The following SMIM41 variants were observed in gnomAD, a reference collection of about 807,000 sequenced individuals.
SMIM41 encodes the protein small integral membrane protein 41.
intron 2 of SMIM41, among the ~76,000 whole-genome samples, chr12:52,086,457 C>T (rs1220416294): frequency 6.6e-6 from 1 of 152,194 alleles, no homozygotes; most frequent in Non-Finnish European, 1.5e-5. Context: ...AGGCACATGT[C>T]TCACCTAGGC....
intron 2 of SMIM41, among the ~76,000 whole-genome samples, chr12:52,084,436 C>T (rs1939864211): frequency 6.6e-6 from 1 of 151,714 alleles, no homozygotes. Context: ...AGAACCCCTG[C>T]CCCTGAAGAG....
At chr12:52,107,214 A>T in intron 2 of SMIM41, 165 bp from the exon 3 acceptor site, 1 of 366,186 alleles carries the variant, frequency 2.7e-6, no homozygotes, top group South Asian at 2.1e-5. Context: ...ATTGCTCTGG[A>T]ATCTGAAAAC....
At chr12:52,091,806 G>T (rs932831851) in intron 2 of SMIM41, among the ~76,000 whole-genome samples, 1 of 152,230 alleles carries the variant, frequency 6.6e-6, no homozygotes, top group African/African-American at 2.4e-5. Context: ...ATTGGAGTTG[G>T]TCATATGATA....
intron 2 of SMIM41, among the ~76,000 whole-genome samples, chr12:52,103,053 C>T (rs1458699838): frequency 7.2e-5 from 11 of 152,182 alleles, no homozygotes; most frequent in South Asian, 6.2e-4. Context: ...CTGGCCGGTG[C>T]GGTGGCTCAT....
At chr12:52,106,685 G>A (rs1367379061) in intron 2 of SMIM41, among the ~76,000 whole-genome samples, 2 of 152,208 alleles carry the variant, frequency 1.3e-5, no homozygotes, top group African/African-American at 4.8e-5. Flanking sequence ...GCTAAGGACA[G>A]GAGTTATAGC....
At chr12:52,091,358 T>G (rs1461446182) in intron 2 of SMIM41, among the ~76,000 whole-genome samples, 1 of 152,246 alleles carries the variant, frequency 6.6e-6, no homozygotes, top group Non-Finnish European at 1.5e-5. Flanking sequence ...GGAATCTCTC[T>G]CTTCTTGAGC....
chr12:52,096,603 A>C (rs945664953), intron 2 of SMIM41, among the ~76,000 whole-genome samples: 1 of 151,846 alleles, frequency 6.6e-6, no homozygotes, highest in Non-Finnish European at 1.5e-5. Context: ...TTAGGAGCTA[A>C]TATTACTGTT....
At chr12:52,104,677 G>C (rs893777738) in intron 2 of SMIM41, among the ~76,000 whole-genome samples, 11 of 151,824 alleles carry the variant, frequency 7.2e-5, no homozygotes, top group East Asian at 1.9e-4. Context: ...TATGGTCGGG[G>C]GGGGGCGGTC....
At chr12:52,098,609 C>T (rs1444050922) in intron 2 of SMIM41, among the ~76,000 whole-genome samples, 1 of 151,142 alleles carries the variant, frequency 6.6e-6, no homozygotes, top group Non-Finnish European at 1.5e-5. Flanking sequence ...GACCCTGTGA[C>T]ATTTGCTGTC....
intron 2 of SMIM41, chr12:52,094,805 C>T (rs1014657235): frequency 5.9e-5 from 9 of 152,324 alleles, no homozygotes; most frequent in South Asian, 2.1e-4. Flanking sequence ...CTAGCTTGAG[C>T]GTCTTCACAT....
intron 2 of SMIM41, among the ~76,000 whole-genome samples, chr12:52,102,610 C>T (rs1165561574): frequency 6.6e-6 from 1 of 152,034 alleles, no homozygotes; most frequent in African/African-American, 2.4e-5. Flanking sequence ...ATAGCAATGG[C>T]CAATAAACAT....
chr12:52,105,749 G>A (rs1457334531), intron 2 of SMIM41, among the ~76,000 whole-genome samples: 2 of 151,850 alleles, frequency 1.3e-5, no homozygotes, highest in African/African-American at 4.8e-5. Context: ...ATGAGACTCC[G>A]TCTCAAAAAA....
chr12:52,089,768 C>T (rs150531105), intron 2 of SMIM41, among the ~76,000 whole-genome samples: 33 of 152,338 alleles, frequency 2.2e-4, no homozygotes, highest in South Asian at 1.0e-3. Flanking sequence ...GTGTTCTTCC[C>T]GCGTCTCTGT....
At chr12:52,085,866 C>T (rs1939885018) in intron 2 of SMIM41, among the ~76,000 whole-genome samples, 1 of 152,124 alleles carries the variant, frequency 6.6e-6, no homozygotes, top group Non-Finnish European at 1.5e-5. Context: ...TAACTCATGT[C>T]CGCTGCTGAT....
intron 2 of SMIM41, among the ~76,000 whole-genome samples, chr12:52,101,716 T>G (rs945864004): frequency 3.3e-5 from 5 of 151,432 alleles, no homozygotes; most frequent in Non-Finnish European, 7.4e-5. Context: ...GTTTTTTTGT[T>G]TTTTTTTTGT....
At chr12:52,092,062 G>A (rs1011319469) in intron 2 of SMIM41, 3 of 152,212 alleles carry the variant, frequency 2.0e-5, no homozygotes, top group African/African-American at 7.2e-5. Context: ...GTAATTGGTT[G>A]AAAATTTGAA....
At chr12:52,095,466 G>T (rs1364803470) in intron 2 of SMIM41, among the ~76,000 whole-genome samples, 1 of 152,106 alleles carries the variant, frequency 6.6e-6, no homozygotes, top group African/African-American at 2.4e-5. Context: ...TCACAGATGG[G>T]TGTATATCCT....
intron 1 of SMIM41, among the ~76,000 whole-genome samples, chr12:52,080,655 C>T (rs1045940684): frequency 6.6e-6 from 1 of 152,232 alleles, no homozygotes; most frequent in Non-Finnish European, 1.5e-5. Flanking sequence ...GCCCACTCCA[C>T]GGGGCTGAGG....
chr12:52,104,293 G>A (rs1940282332), intron 2 of SMIM41: 1 of 153,176 alleles, frequency 6.5e-6, no homozygotes, highest in Admixed American at 6.5e-5. Flanking sequence ...GAGGAGCTCT[G>A]TGCCTTGAGC....
Sources: allele counts gnomAD v4.1 joint callset (sites outside exome capture counted in the v4.1 genomes callset), GRCh38; gene constraint gnomAD v4.1.1; transcripts MANE v1.5; gene names NCBI Gene and HGNC (gene_info 2026-07-23, HGNC 2026-07-21).